The following TLE4 variants were observed in gnomAD, a reference collection of about 807,000 sequenced individuals.
TLE4 encodes TLE family member 4, transcriptional corepressor.
Under a neutral mutation model 92.8 loss-of-function variants are expected in TLE4, and 8 were observed. The observed-to-expected ratio is 0.09, with a 90% CI of 0.05 to 0.16. TLE4 has a LOEUF of 0.16. TLE4 is among the 10% of genes least tolerant of loss of function. The pLI, the probability that TLE4 is intolerant of heterozygous loss-of-function variation, is 1.00. For missense variants in TLE4, 675 were observed against 997.6 expected (o/e 0.68, Z 4.36); for synonymous variants, 371 against 374.1 (o/e 0.99, Z 0.10).
chr9:79,649,845 C>G (rs1201142644), intron 6 of TLE4: 1 of 1,365,748 alleles, frequency 7.3e-7, no homozygotes. Flanking sequence ...AGTGACACAC[C>G]TGGATCATTA....
chr9:79,705,258 A>G lies in TLE4; in HGVS notation c.729+356A>G, dbSNP rs529285224. Among the ~76,000 whole-genome samples, 3 of 152,372 alleles carry G rather than the reference A, an allele frequency of 2.0e-5. 1 individual carries two copies. In the East Asian group the frequency reaches 5.8e-4, roughly 29 times the overall value. On this transcript the variant is annotated intron_variant, in intron 9 of 19. Transcript: ENST00000376552. ...ATAAAATCATAAAAAATGTGTTTAA[A>G]TGCCTAGATGGATTCATGTGCTGAA...
intron 6 of TLE4, among the ~76,000 whole-genome samples, chr9:79,630,412 A>G (rs1237908510): frequency 6.6e-6 from 1 of 152,206 alleles, no homozygotes; most frequent in Non-Finnish European, 1.5e-5. Context: ...TAAGTTAAAT[A>G]TCATTTATCT....
chr9:79,673,399 A>G (rs1156571010), intron 8 of TLE4, among the ~76,000 whole-genome samples: 1 of 152,214 alleles, frequency 6.6e-6, no homozygotes, highest in Non-Finnish European at 1.5e-5. Flanking sequence ...ACCCAATTCC[A>G]TTAAGGCAAA....
chr9:79,681,750 G>T (rs2064655097), intron 8 of TLE4, among the ~76,000 whole-genome samples: 1 of 151,348 alleles, frequency 6.6e-6, no homozygotes, highest in Non-Finnish European at 1.5e-5. Context: ...AGGGAGGGAA[G>T]GAGGGAGAGA....
intron 4 of TLE4, among the ~76,000 whole-genome samples, chr9:79,579,193 TGTTAA>T (rs1408820869): frequency 6.6e-6 from 1 of 152,188 alleles, no homozygotes; most frequent in East Asian, 1.9e-4. Context: ...AGGGTTTAGT[TGTTAA>T]GTTTTTTTGC....
At chr9:79,611,843 T>TTAAA (rs1336217530) in intron 4 of TLE4, among the ~76,000 whole-genome samples, 2 of 151,502 alleles carry the variant, frequency 1.3e-5, no homozygotes, top group Non-Finnish European at 2.9e-5. Flanking sequence ...TAACTTACTG[T>TTAAA]AGCATCTTAT....
At chr9:79,590,808 C>T (rs140602676) in intron 4 of TLE4, among the ~76,000 whole-genome samples, 5 of 152,180 alleles carry the variant, frequency 3.3e-5, no homozygotes, top group African/African-American at 4.8e-5. Flanking sequence ...TGAGGCTCAC[C>T]GTGCAAATTA....
At chr9:79,625,164 C>T (rs2052243345) in intron 5 of TLE4, among the ~76,000 whole-genome samples, 1 of 149,198 alleles carries the variant, frequency 6.7e-6, no homozygotes, top group South Asian at 2.1e-4. Flanking sequence ...GGACTACAGG[C>T]GCCCGCCACT....
rs554460449 is a variant in TLE4 at position 79,607,555 on chromosome 9, T to C, written c.253-5101T>C. Among the ~76,000 whole-genome samples the C allele has an allele frequency of 5.9e-5, 9 of 152,230 alleles. No individual in the cohort carries two copies. In the East Asian group the frequency reaches 1.5e-3, roughly 26 times the overall value. ...ATCTTGAGTTAATTTTTATGTAAGG[T>C]GTAAGGAAGGGATCCAGTTTCAGCT... On this transcript the variant is annotated intron_variant, in intron 4 of 19. Coordinates refer to ENST00000376552, the MANE Select transcript of TLE4 (RefSeq NM_007005.6).
intron 8 of TLE4, among the ~76,000 whole-genome samples, chr9:79,696,921 C>T (rs1222355763): frequency 6.6e-6 from 1 of 152,120 alleles, no homozygotes; most frequent in Non-Finnish European, 1.5e-5. Flanking sequence ...TTTGCCAACC[C>T]TCTCCACTTT....
intron 6 of TLE4, chr9:79,627,821 G>A (rs962881350): frequency 1.0e-5 from 2 of 193,004 alleles, no homozygotes; most frequent in Non-Finnish European, 2.1e-5. Context: ...ATCATGTAGA[G>A]TATCTTACTA....
At position 79,663,399 on chromosome 9, in the gene TLE4, T is replaced by C. The variant is rs545889503; in HGVS notation, c.609+9324T>C. The C allele has an allele frequency of 6.6e-5, 10 of 152,342 alleles. No individual in the cohort carries two copies. In the East Asian group the frequency reaches 1.7e-3, roughly 26 times the overall value. The allele number at this position is 152,342 out of a possible 1,614,324, so 9.4% of individuals were successfully genotyped here. The stretch of plus-strand genomic sequence containing the variant: ...TTTTCCCAGTTATATTAGCCACATA[T>C]CGAGTCCTTAGTAGCCACACGTGGC... On this transcript the variant is annotated intron_variant, in intron 8 of 19. Transcript: ENST00000376552.
chr9:79,626,139 T>C (rs1020315366), intron 5 of TLE4, among the ~76,000 whole-genome samples: 5 of 152,180 alleles, frequency 3.3e-5, no homozygotes, highest in African/African-American at 1.2e-4. Flanking sequence ...CGTTTCCTTT[T>C]CCACCTGGCC....
chr9:79,635,549 G>A (rs901485705), intron 6 of TLE4, among the ~76,000 whole-genome samples: 14 of 150,020 alleles, frequency 9.3e-5, no homozygotes, highest in African/African-American at 3.4e-4. Flanking sequence ...TTTGTTTATG[G>A]TAAGATATAT....
At chr9:79,675,226 G>A (rs1368595945) in intron 8 of TLE4, among the ~76,000 whole-genome samples, 1 of 152,056 alleles carries the variant, frequency 6.6e-6, no homozygotes, top group Non-Finnish European at 1.5e-5. Context: ...CATGGATTAA[G>A]TAGGGACCAC....
At chr9:79,699,324 C>T (rs1289466263) in intron 8 of TLE4, among the ~76,000 whole-genome samples, 1 of 152,192 alleles carries the variant, frequency 6.6e-6, no homozygotes, top group African/African-American at 2.4e-5. Flanking sequence ...CCACCCCTGT[C>T]CCCATCACCA....
rs181575145 is a variant in TLE4 at position 79,611,896 on chromosome 9, A to T, written c.253-760A>T. 2.3e-4 allele frequency among the ~76,000 whole-genome samples: 35 copies of T among 150,130 alleles called. 1 individual carries two copies. The East Asian group carries it at 6.1e-3, about 26-fold the overall frequency. ...ACTTATAAAAATTATTAGAGAATAG[A>T]CTGTTCTTTGACATTGTTGGGACTT... On this transcript the variant is annotated intron_variant, in intron 4 of 19. Coordinates refer to ENST00000376552, the MANE Select transcript of TLE4 (RefSeq NM_007005.6).
At chr9:79,695,006 A>G (rs1164419251) in intron 8 of TLE4, among the ~76,000 whole-genome samples, 2 of 152,196 alleles carry the variant, frequency 1.3e-5, no homozygotes, top group African/African-American at 2.4e-5. Flanking sequence ...GTGGTCACAG[A>G]CAGCTGAGGA....
intron 5 of TLE4, among the ~76,000 whole-genome samples, chr9:79,625,014 C>CTTTTTTTTTTT (rs34968887): frequency 2.6e-3 from 209 of 79,946 alleles, no homozygotes; most frequent in Middle Eastern, 0.017. Flanking sequence ...TATTTCTTTT[C>CTTTTTTTTTTT]TTTTTTTTTT....
Sources: allele counts gnomAD v4.1 joint callset (sites outside exome capture counted in the v4.1 genomes callset), GRCh38; gene constraint gnomAD v4.1.1; transcripts MANE v1.5; gene names NCBI Gene and HGNC (gene_info 2026-07-23, HGNC 2026-07-21).